ANKRD30B: variants seen among roughly 807,000 people sequenced by gnomAD.
ANKRD30B encodes the protein ankyrin repeat domain 30B.
A neutral mutation model predicts 202.2 loss-of-function variants in ANKRD30B; 144 were observed. That is an observed-to-expected ratio of 0.71 (90% CI 0.62 to 0.82). The LOEUF (loss-of-function observed/expected upper bound fraction) is 0.82. Ranked by LOEUF, ANKRD30B falls within the 40% of genes least tolerant of loss-of-function variation. ANKRD30B has a pLI of 0.00. For synonymous variants in ANKRD30B, 508 were observed against 561.3 expected, an observed-to-expected ratio of 0.91 and a Z score of 1.34; for missense variants, 1,487 against 1,669.1, an observed-to-expected ratio of 0.89 and a Z score of 1.90.
chr18:14,791,486 T>C lies in ANKRD30B; in HGVS notation c.1820T>C (p.Leu607Ser). 1 of 1,607,218 alleles carries C rather than the reference T, an allele frequency of 6.2e-7. No individual in the cohort carries two copies. The highest frequency in any genetic ancestry group is 8.5e-7 in the Non-Finnish European group (1 of 1,177,090). Residue 607 changes from leucine (L) to serine (S), a missense_variant, in exon 16 of 44, where the codon TTA becomes TCA. Transcript: ENST00000690538. ...GAATTCGATACCTTAAGTGGAAAAT[T>C]AGAAGGTAAGAACCATTTTTTAATT... ...QKEFDTLSGK[L>S]EESPVKDGLL...
the ANKRD30B span, among the ~76,000 whole-genome samples, chr18:14,923,009 C>T: frequency 6.6e-6 from 1 of 152,128 alleles, no homozygotes; most frequent in Admixed American, 6.5e-5. Context: ...CATCCTGGGC[C>T]AGGAAAAAAC....
Position 14,754,919 on chromosome 18 carries a change from A to G in ANKRD30B, c.531A>G (p.Leu177=). The change falls in exon 4 of 44, where the codon TTA becomes TTG. Residue 177 remains leucine (L), a synonymous_variant. Coordinates refer to ENST00000690538, the MANE Select transcript of ANKRD30B (RefSeq NM_001367607.2). ...VQNKASLTPL[L]LAIQKRSKQT... is the part of the protein sequence containing the mutation. ...TACAGGCTAGCCTCACACCCCTTTT[A>G]CTGGCCATACAGAAAAGAAGCAAGC... The G allele has an allele frequency of 6.5e-7, 1 of 1,544,434 alleles. No homozygotes were observed. Among genetic ancestry groups the G allele is most frequent in the Non-Finnish European group, 8.7e-7 (1 of 1,147,348 alleles).
chr18:14,796,160 A>T, intron 16 of ANKRD30B, 61 bp from the exon 17 acceptor site: 3 of 1,462,024 alleles, frequency 2.1e-6, no homozygotes, highest in South Asian at 2.3e-5. Context: ...CATTGTACGA[A>T]TGCTTGGTAG....
Position 14,831,181 on chromosome 18 carries a change from G to GAAAAAAA in ANKRD30B, c.2775-189_2775-183dup, listed in dbSNP as rs71305894. Among the ~76,000 whole-genome samples, 38 of 52,340 alleles carry GAAAAAAA rather than the reference G, an allele frequency of 7.3e-4. 2 individuals are homozygous for GAAAAAAA. The highest frequency in any genetic ancestry group is 1.3e-3 in the African/African-American group (18 of 13,416). 34.3% of individuals were successfully genotyped at this position (52,340 alleles called of 152,430 possible). A position where few individuals can be genotyped will look rare whatever the true frequency, so the allele number is the denominator to read the frequency against. On this transcript the variant is annotated intron_variant, in intron 33 of 43. Coordinates refer to ENST00000690538, the MANE Select transcript of ANKRD30B (RefSeq NM_001367607.2). Reference sequence around the variant, plus strand: ...GGCGACAGAGCGAGACTCCGTCTCGGAAAAAAAAAAAAAAAAAAACGAAAA... The same window carrying GAAAAAAA: ...GGCGACAGAGCGAGACTCCGTCTCGGAAAAAAAAAAAAAAAAAAAAAAAAAACGAAAA...
intron 15 of ANKRD30B, among the ~76,000 whole-genome samples, chr18:14,788,702 T>C (rs1205213169): frequency 1.3e-5 from 2 of 152,080 alleles, no homozygotes; most frequent in Non-Finnish European, 2.9e-5. Flanking sequence ...ATTTCATCCA[T>C]GTCCCTACAA....
rs535128400 is a variant in ANKRD30B, at chr18:14,843,750, C to T, written c.3181+654C>T. ...CGGAGCTTGCAGTGAGCCGAGATGG[C>T]GCCACTGCACTCCAGCCTAGGGGAC... On this transcript the variant is annotated intron_variant, in intron 39 of 43. Transcript: ENST00000690538. Among the ~76,000 whole-genome samples the T allele has an allele frequency of 6.6e-5, 10 of 152,134 alleles. 1 individual carries two copies. In the South Asian group the frequency reaches 1.7e-3, roughly 25 times the overall value.
intron 39 of ANKRD30B, among the ~76,000 whole-genome samples, chr18:14,845,847 G>A (rs547756231): frequency 6.6e-6 from 1 of 152,158 alleles, no homozygotes; most frequent in South Asian, 2.1e-4. Flanking sequence ...GCCCTCACAT[G>A]GCAGAAAGGG....
At chr18:14,784,969 TAAG>T (rs1967990160) in intron 14 of ANKRD30B, among the ~76,000 whole-genome samples, 1 of 152,160 alleles carries the variant, frequency 6.6e-6, no homozygotes, top group Admixed American at 6.5e-5. Flanking sequence ...TTGGGAATCT[TAAG>T]AAACTCAGTA....
At chr18:14,869,880 G>T in the ANKRD30B span, among the ~76,000 whole-genome samples, 1 of 151,866 alleles carries the variant, frequency 6.6e-6, no homozygotes, top group Non-Finnish European at 1.5e-5. Flanking sequence ...TGTCGCCCAG[G>T]CTGGAGTGCA....
the ANKRD30B span, among the ~76,000 whole-genome samples, chr18:14,936,401 C>T: frequency 6.6e-6 from 1 of 152,140 alleles, no homozygotes; most frequent in African/African-American, 2.4e-5. Context: ...TACTTCCTTC[C>T]TTCCTCCCTC....
At chr18:14,885,597 A>G in the ANKRD30B span, among the ~76,000 whole-genome samples, 2 of 151,938 alleles carry the variant, frequency 1.3e-5, no homozygotes, top group South Asian at 4.1e-4. Flanking sequence ...TTTTGTTGTT[A>G]TAGGAATGCT....
the ANKRD30B span, among the ~76,000 whole-genome samples, chr18:14,876,132 A>C: frequency 6.6e-6 from 1 of 151,316 alleles, no homozygotes; most frequent in Non-Finnish European, 1.5e-5. Context: ...CCTCAGGGAA[A>C]CAGAGTAAGA....
the ANKRD30B span, among the ~76,000 whole-genome samples, chr18:14,895,470 G>A: frequency 6.6e-6 from 1 of 152,140 alleles, no homozygotes; most frequent in Non-Finnish European, 1.5e-5. Flanking sequence ...AGACAATTTG[G>A]CAGTTTCTTA....
At chr18:14,754,593 G>C (rs1914032225) in intron 3 of ANKRD30B, among the ~76,000 whole-genome samples, 1 of 152,130 alleles carries the variant, frequency 6.6e-6, no homozygotes, top group South Asian at 2.1e-4. Context: ...TAAGGATATA[G>C]AGATAAAAGA....
chr18:14,936,376 C>G, the ANKRD30B span, among the ~76,000 whole-genome samples: 16 of 152,270 alleles, frequency 1.1e-4, no homozygotes, highest in Non-Finnish European at 2.4e-4. Context: ...CTTCCTCCCT[C>G]TTTGCTTGCT....
intron 40 of ANKRD30B, among the ~76,000 whole-genome samples, chr18:14,849,270 T>C (rs1971786972): frequency 6.6e-6 from 1 of 151,914 alleles, no homozygotes; most frequent in Non-Finnish European, 1.5e-5. Flanking sequence ...TTTCTAATTA[T>C]TGACTTGGAA....
chr18:14,924,037 T>C, the ANKRD30B span, among the ~76,000 whole-genome samples: 35 of 152,226 alleles, frequency 2.3e-4, no homozygotes, highest in African/African-American at 8.2e-4. Context: ...TCACCTAGAT[T>C]GTCCCAGCAT....
At chr18:14,932,330 TC>T in the ANKRD30B span, among the ~76,000 whole-genome samples, 1 of 151,618 alleles carries the variant, frequency 6.6e-6, no homozygotes, top group South Asian at 2.1e-4. Context: ...CCTATCTCTA[TC>T]TTTTTGTTGT....
intron 15 of ANKRD30B, among the ~76,000 whole-genome samples, chr18:14,787,636 A>G (rs1334444546): frequency 1.3e-5 from 2 of 152,232 alleles, no homozygotes; most frequent in African/African-American, 2.4e-5. Flanking sequence ...TTGTGGGAAT[A>G]TAATAACAAG....
Sources: gnomAD v4.1 joint callset for allele counts (sites outside exome capture counted in the v4.1 genomes callset) on GRCh38, gnomAD v4.1.1 for gene constraint, MANE v1.5 for transcripts, NCBI Gene and HGNC (gene_info 2026-07-23, HGNC 2026-07-21) for gene names.